Variants in IGFBP7 observed in about 807,000 individuals in gnomAD.
IGFBP7 encodes insulin-like growth factor-binding protein 7.
In IGFBP7, 31 loss-of-function variants were observed where a neutral mutation model predicts 29.4. That is an observed-to-expected ratio of 1.05 (90% CI 0.79 to 1.42). The LOEUF (loss-of-function observed/expected upper bound fraction) is 1.42, where lower values mean the gene tolerates loss of function less well. Among genes scored for constraint, IGFBP7 ranks in the 40% most tolerant of loss-of-function variants. IGFBP7 has a pLI of 0.00. For synonymous variants in IGFBP7, 172 were observed against 174.9 expected (o/e 0.98, Z 0.13); for missense variants, 393 against 395.5 (o/e 0.99, Z 0.05).
chr4:57,105,356 T>C (rs758281723), intron 1 of IGFBP7, among the ~76,000 whole-genome samples: 2 of 152,248 alleles, frequency 1.3e-5, no homozygotes, highest in African/African-American at 4.8e-5. Flanking sequence ...AGCCAATTCA[T>C]AGGTTGATTC....
intron 1 of IGFBP7, among the ~76,000 whole-genome samples, chr4:57,105,409 T>A (rs1170289779): frequency 6.6e-6 from 1 of 152,232 alleles, no homozygotes; most frequent in East Asian, 1.9e-4. Context: ...AAGAACATAC[T>A]ACATACCATG....
At chr4:57,043,956 G>A (rs1724293679) in intron 1 of IGFBP7, among the ~76,000 whole-genome samples, 4 of 152,188 alleles carry the variant, frequency 2.6e-5, no homozygotes, top group Admixed American at 2.0e-4. Flanking sequence ...CCTCTCTGAT[G>A]GCCCTCATGC....
At chr4:57,032,812 C>T (rs1201337436) in intron 3 of IGFBP7, among the ~76,000 whole-genome samples, 6 of 152,162 alleles carry the variant, frequency 3.9e-5, no homozygotes, top group African/African-American at 1.4e-4. Context: ...TACACATTAT[C>T]GGTTTAAGGG....
chr4:57,066,929 G>C (rs760875655), intron 1 of IGFBP7, among the ~76,000 whole-genome samples: 1 of 150,912 alleles, frequency 6.6e-6, no homozygotes, highest in Non-Finnish European at 1.5e-5. Flanking sequence ...TCCATCATCA[G>C]CTAGAGTTCT....
At chr4:57,079,958 G>C (rs1046657788) in intron 1 of IGFBP7, among the ~76,000 whole-genome samples, 5 of 152,132 alleles carry the variant, frequency 3.3e-5, no homozygotes, top group Non-Finnish European at 1.5e-5. Flanking sequence ...TGAGGAATTG[G>C]AGGCTTTGAG....
Position 57,045,430 on chromosome 4 carries a change from G to C in IGFBP7, c.476-4497C>G, listed in dbSNP as rs541504441. Among the ~76,000 whole-genome samples the C allele has an allele frequency of 3.3e-5, 5 of 152,336 alleles. No individual in the cohort carries two copies. The East Asian group carries it at 9.6e-4, about 29-fold the overall frequency. The stretch of plus-strand genomic sequence containing the variant: ...CAATACGTAAACTGGAAAGTGCTAA[G>C]AAATAAGGCTACAGAACGGCCTTTT... On this transcript the variant is annotated intron_variant, in intron 1 of 4. Transcript: ENST00000295666.
At chr4:57,050,706 G>A (rs7688831) in intron 1 of IGFBP7, among the ~76,000 whole-genome samples, 14,141 of 149,804 alleles carry the variant, frequency 0.094, 807 homozygotes, top group African/African-American at 0.15. Context: ...AACCATGCCC[G>A]GCTAATTAAA....
chr4:57,094,850 T>C (rs895243123), intron 1 of IGFBP7, among the ~76,000 whole-genome samples: 3 of 152,210 alleles, frequency 2.0e-5, no homozygotes, highest in African/African-American at 7.2e-5. Context: ...TAAAGTGTAA[T>C]TGCCTCCCCC....
At chr4:57,102,210 G>C (rs1407330731) in intron 1 of IGFBP7, among the ~76,000 whole-genome samples, 3 of 152,100 alleles carry the variant, frequency 2.0e-5, no homozygotes, top group Non-Finnish European at 4.4e-5. Context: ...AGGGTGTTCT[G>C]TCACTGAACT....
intron 1 of IGFBP7, among the ~76,000 whole-genome samples, chr4:57,065,844 C>G (rs1189854786): frequency 1.3e-5 from 2 of 152,204 alleles, no homozygotes; most frequent in East Asian, 3.8e-4. Context: ...CAGGAAATCT[C>G]TAACACATCT....
chr4:57,108,246 G>A (rs7688391), intron 1 of IGFBP7, among the ~76,000 whole-genome samples: 1,991 of 152,312 alleles, frequency 0.013, 33 homozygotes, highest in African/African-American at 0.046. Context: ...AGTGAACTCT[G>A]AAATTGATGA....
intron 1 of IGFBP7, among the ~76,000 whole-genome samples, chr4:57,048,241 C>T (rs111812140): frequency 1.1e-4 from 17 of 151,776 alleles, no homozygotes; most frequent in East Asian, 3.9e-4. Context: ...TTAGTAGAGA[C>T]GGGGTGACCG....
rs78210903 is a variant in IGFBP7, at chr4:57,067,229, C to A, written c.476-26296G>T. ...CTTTTATGTTACTTTCATCATTATACGAAAAAGAGCTGGAACTTATATCCT... is the reference window on the plus strand; with the variant it reads ...CTTTTATGTTACTTTCATCATTATAAGAAAAAGAGCTGGAACTTATATCCT... On this transcript the variant is annotated intron_variant, in intron 1 of 4. Transcript: ENST00000295666. Among the ~76,000 whole-genome samples the A allele has an allele frequency of 4.1e-3, 621 of 152,168 alleles. 28 individuals carry two copies. The East Asian group carries it at 0.083, about 20-fold the overall frequency.
intron 1 of IGFBP7, among the ~76,000 whole-genome samples, chr4:57,053,759 G>A (rs902544143): frequency 2.0e-5 from 3 of 152,074 alleles, no homozygotes; most frequent in African/African-American, 4.8e-5. Context: ...GTGCTTTCCC[G>A]AGACGAAACT....
chr4:57,094,382 G>A (rs1032103117), intron 1 of IGFBP7, among the ~76,000 whole-genome samples: 9 of 152,164 alleles, frequency 5.9e-5, no homozygotes, highest in Non-Finnish European at 2.9e-5. Flanking sequence ...GTGTGGACAG[G>A]ACAGTGCCTT....
At chr4:57,102,020 A>G (rs977433092) in intron 1 of IGFBP7, among the ~76,000 whole-genome samples, 3 of 152,214 alleles carry the variant, frequency 2.0e-5, no homozygotes, top group Admixed American at 2.0e-4. Flanking sequence ...TTTTGACGAT[A>G]ATTCAGGGTT....
chr4:57,068,164 C>CTTATAG (rs1724964554), intron 1 of IGFBP7, among the ~76,000 whole-genome samples: 1 of 151,796 alleles, frequency 6.6e-6, no homozygotes, highest in South Asian at 2.1e-4. Context: ...GATGTGCATG[C>CTTATAG]CTATAGTCCT....
chr4:57,090,891 G>A (rs1050713916), intron 1 of IGFBP7, among the ~76,000 whole-genome samples: 1 of 152,066 alleles, frequency 6.6e-6, no homozygotes, highest in Non-Finnish European at 1.5e-5. Flanking sequence ...CAGTTTATTT[G>A]ATCACCTTTT....
rs143064068 is a variant in IGFBP7, at chr4:57,109,420, G to C, written c.475+457C>G. On this transcript the variant is annotated intron_variant, in intron 1 of 4. Coordinates refer to ENST00000295666, the MANE Select transcript of IGFBP7 (RefSeq NM_001553.3). ...CCCTCCACCCTGGGCGACAGAGCAA[G>C]ATCCTATCTTTTAAAAAAAAAAGTC... Among the ~76,000 whole-genome samples, 53 of 151,948 alleles carry C rather than the reference G, an allele frequency of 3.5e-4. No individual in the cohort carries two copies. In the East Asian group the frequency reaches 6.8e-3, roughly 20 times the overall value.
Sources: gnomAD v4.1 joint callset for allele counts (sites outside exome capture counted in the v4.1 genomes callset) on GRCh38, gnomAD v4.1.1 for gene constraint, MANE v1.5 for transcripts, NCBI Gene and HGNC (gene_info 2026-07-23, HGNC 2026-07-21) for gene names.